Variants in CTNNA3 observed in about 807,000 individuals in gnomAD.
The protein encoded by CTNNA3 is catenin alpha-3.
In CTNNA3, 76 loss-of-function variants were observed where a neutral mutation model predicts 95.7. That is an observed-to-expected ratio of 0.79 (90% confidence interval 0.66 to 0.96). CTNNA3 has a LOEUF of 0.96. Ranked by LOEUF, CTNNA3 falls within the 40% of genes least tolerant of loss-of-function variation. The probability of loss-of-function intolerance (pLI) is 0.00; values close to 1 mark genes in which losing one functional copy is unlikely to be tolerated. For synonymous variants in CTNNA3, 431 were observed against 374.4 expected, an observed-to-expected ratio of 1.15 and a Z score of -1.74; for missense variants, 1,191 against 1,089.8, an observed-to-expected ratio of 1.09 and a Z score of -1.31.
rs184382548 is a variant in CTNNA3, at chr10:66,518,327, C to G, written c.1531+2290G>C. Reference sequence around the variant, plus strand: ...CAAAGATTGGTAAATTATGGTTCCCCTTGTTGCATGTCCAGAGTATTCTCC... The same window carrying G: ...CAAAGATTGGTAAATTATGGTTCCCGTTGTTGCATGTCCAGAGTATTCTCC... On this transcript the variant is annotated intron_variant, in intron 11 of 17. Coordinates refer to ENST00000433211, the MANE Select transcript of CTNNA3 (RefSeq NM_013266.4). 5.4e-3 allele frequency among the ~76,000 whole-genome samples: 815 copies of G among 152,180 alleles called. 6 individuals carry two copies. The highest frequency in any genetic ancestry group is 8.8e-3 in the Non-Finnish European group (598 of 67,998).
chr10:67,306,209 T>C (rs1158368004), intron 5 of CTNNA3, among the ~76,000 whole-genome samples: 2 of 152,140 alleles, frequency 1.3e-5, no homozygotes, highest in Non-Finnish European at 2.9e-5. Context: ...TTTTAATTTT[T>C]TTAGATGGGA....
chr10:66,616,450 A>G (rs1844517096), intron 10 of CTNNA3, among the ~76,000 whole-genome samples: 1 of 152,110 alleles, frequency 6.6e-6, no homozygotes, highest in East Asian at 1.9e-4. Flanking sequence ...CTTTAAAGAT[A>G]TAATGAGAGT....
intron 7 of CTNNA3, among the ~76,000 whole-genome samples, chr10:66,796,577 T>C (rs1341640107): frequency 2.0e-5 from 3 of 152,044 alleles, no homozygotes; most frequent in Non-Finnish European, 2.9e-5. Context: ...GTTTATGCTG[T>C]TGGAAAAAAT....
chr10:66,071,439 T>C (rs2080432037), intron 14 of CTNNA3, among the ~76,000 whole-genome samples: 1 of 152,238 alleles, frequency 6.6e-6, no homozygotes, highest in Admixed American at 6.5e-5. Context: ...CCCAATTTTG[T>C]AAGTGAGGAA....
At chr10:67,040,230 A>G (rs1364269654) in intron 7 of CTNNA3, among the ~76,000 whole-genome samples, 2 of 152,086 alleles carry the variant, frequency 1.3e-5, no homozygotes, top group African/African-American at 4.8e-5. Flanking sequence ...TGAACTTGAC[A>G]TTTGCTCGGT....
intron 7 of CTNNA3, among the ~76,000 whole-genome samples, chr10:67,060,838 A>G (rs1314620986): frequency 1.3e-5 from 2 of 148,498 alleles, no homozygotes; most frequent in African/African-American, 5.1e-5. Flanking sequence ...ATATGACATG[A>G]AAAAGAAATA....
At chr10:67,469,619 G>C (rs186483235) in intron 5 of CTNNA3, among the ~76,000 whole-genome samples, 2 of 151,648 alleles carry the variant, frequency 1.3e-5, no homozygotes, top group Non-Finnish European at 2.9e-5. Context: ...GGGGGTGGGG[G>C]GCTAGAAGAG....
intron 13 of CTNNA3, among the ~76,000 whole-genome samples, chr10:66,170,723 T>C (rs904656509): frequency 2.1e-4 from 22 of 107,232 alleles, no homozygotes; most frequent in African/African-American, 7.3e-4. Context: ...AAGCAATGTT[T>C]ACCCAAAAAA....
At chr10:66,753,434 G>A (rs1456812160) in intron 9 of CTNNA3, among the ~76,000 whole-genome samples, 1 of 152,014 alleles carries the variant, frequency 6.6e-6, no homozygotes, top group African/African-American at 2.4e-5. Context: ...AGGCTGAAGT[G>A]GGCAGGTCAC....
chr10:66,770,994 A>G (rs1840065387), intron 8 of CTNNA3, among the ~76,000 whole-genome samples: 1 of 152,146 alleles, frequency 6.6e-6, no homozygotes, highest in African/African-American at 2.4e-5. Context: ...AGTTTAGTGA[A>G]ACTTGTCTCT....
intron 5 of CTNNA3, among the ~76,000 whole-genome samples, chr10:67,481,628 C>T (rs1848231794): frequency 6.6e-6 from 1 of 152,158 alleles, no homozygotes; most frequent in Non-Finnish European, 1.5e-5. Context: ...AAACACTGCT[C>T]ATTGTAGATT....
intron 3 of CTNNA3, among the ~76,000 whole-genome samples, chr10:67,576,893 T>C (rs1309374467): frequency 8.8e-6 from 1 of 113,396 alleles, no homozygotes; most frequent in Admixed American, 8.0e-5. Flanking sequence ...CTCATCTTTC[T>C]TATGGTGTCA....
At chr10:67,229,007 C>T (rs536975526) in intron 5 of CTNNA3, among the ~76,000 whole-genome samples, 22 of 152,118 alleles carry the variant, frequency 1.4e-4, no homozygotes, top group African/African-American at 5.3e-4. Context: ...CAGGAAAGGA[C>T]ATAAACAAAA....
At chr10:66,056,117 G>A (rs1039567216) in intron 15 of CTNNA3, among the ~76,000 whole-genome samples, 3 of 151,982 alleles carry the variant, frequency 2.0e-5, no homozygotes. Flanking sequence ...TAAAGGAGAG[G>A]CTTTCAGGTT....
chr10:66,681,279 A>G (rs1279102570), intron 9 of CTNNA3, among the ~76,000 whole-genome samples: 1 of 152,308 alleles, frequency 6.6e-6, no homozygotes, highest in Middle Eastern at 3.4e-3. Flanking sequence ...TCATTCTGCC[A>G]TCAATGTGCT....
intron 9 of CTNNA3, among the ~76,000 whole-genome samples, chr10:66,720,879 G>A (rs1425858050): frequency 6.6e-6 from 1 of 152,106 alleles, no homozygotes; most frequent in Non-Finnish European, 1.5e-5. Context: ...CTGCTCTCCA[G>A]TAGCCTCTGA....
At chr10:66,015,105 A>AAAAAATAAT (rs2079068937) in intron 15 of CTNNA3, among the ~76,000 whole-genome samples, 1 of 150,076 alleles carries the variant, frequency 6.7e-6, no homozygotes. Flanking sequence ...CTGTCTCAAA[A>AAAAAATAAT]AATAATAATA....
At chr10:66,320,362 C>A (rs2092164278) in intron 12 of CTNNA3, among the ~76,000 whole-genome samples, 1 of 152,088 alleles carries the variant, frequency 6.6e-6, no homozygotes, top group African/African-American at 2.4e-5. Flanking sequence ...TGGCAAATTT[C>A]TCCTTTTGAT....
At chr10:66,434,945 C>G (rs1272740391) in intron 11 of CTNNA3, among the ~76,000 whole-genome samples, 3 of 151,850 alleles carry the variant, frequency 2.0e-5, no homozygotes, top group African/African-American at 7.3e-5. Context: ...TGATGGATTC[C>G]ATTTATTGAT....
Sources: allele counts gnomAD v4.1 joint callset (sites outside exome capture counted in the v4.1 genomes callset), GRCh38; gene constraint gnomAD v4.1.1; transcripts MANE v1.5; gene names NCBI Gene and HGNC (gene_info 2026-07-23, HGNC 2026-07-21).